The following MIA2 variants were observed in gnomAD, a reference collection of about 807,000 sequenced individuals.
MIA2 encodes the protein MIA SH3 domain ER export factor 2.
In MIA2, 127 loss-of-function variants were observed where a neutral mutation model predicts 167.8. The observed-to-expected ratio is 0.76, with a 90% CI of 0.66 to 0.88. The LOEUF is 0.88. Among genes scored for constraint, MIA2 ranks in the 40% least tolerant of loss-of-function variants. The probability of loss-of-function intolerance (pLI) is 0.00; values close to 1 mark genes in which losing one functional copy is unlikely to be tolerated. For missense variants in MIA2, 1,690 were observed against 1,624.7 expected, an observed-to-expected ratio of 1.04 and a Z score of -0.69; for synonymous variants, 552 against 541.9, an observed-to-expected ratio of 1.02 and a Z score of -0.26.
chr14:39,337,806 C>T (rs2070788987), intron 25 of MIA2, among the ~76,000 whole-genome samples: 1 of 152,012 alleles, frequency 6.6e-6, no homozygotes, highest in Non-Finnish European at 1.5e-5. Flanking sequence ...CAACCTCTGC[C>T]TCCTGGGTTC....
intron 4 of MIA2, among the ~76,000 whole-genome samples, chr14:39,250,398 C>G (rs1452132274): frequency 1.3e-5 from 2 of 151,808 alleles, no homozygotes; most frequent in Non-Finnish European, 2.9e-5. Flanking sequence ...GACACTTTTT[C>G]TCTAAAGAAA....
At chr14:39,371,402 G>A (rs1223557981) in intron 23 of MIA2, among the ~76,000 whole-genome samples, 2 of 152,140 alleles carry the variant, frequency 1.3e-5, no homozygotes, top group Non-Finnish European at 2.9e-5. Flanking sequence ...GGGCCAATTT[G>A]TAGACTTGGT....
At chr14:39,340,901 G>T (rs1339823443) in intron 25 of MIA2, among the ~76,000 whole-genome samples, 1 of 152,190 alleles carries the variant, frequency 6.6e-6, no homozygotes, top group Non-Finnish European at 1.5e-5. Flanking sequence ...AGACTAGGTT[G>T]TGGAGAGATT....
At chr14:39,326,558 T>A (rs149821039) in intron 24 of MIA2, among the ~76,000 whole-genome samples, 180 of 151,460 alleles carry the variant, frequency 1.2e-3, no homozygotes, top group African/African-American at 4.0e-3. Flanking sequence ...TTTGGACTAT[T>A]GATATATTAG....
chr14:39,363,898 C>A (rs1054557033), intron 23 of MIA2, among the ~76,000 whole-genome samples: 1 of 152,110 alleles, frequency 6.6e-6, no homozygotes, highest in African/African-American at 2.4e-5. Context: ...GTAAAGCTTT[C>A]AGTCTATGTG....
intron 25 of MIA2, among the ~76,000 whole-genome samples, chr14:39,344,674 A>G (rs765440831): frequency 6.6e-6 from 1 of 152,186 alleles, no homozygotes; most frequent in Admixed American, 6.5e-5. Flanking sequence ...TATAAAGTCA[A>G]TTAGAGGCAA....
intron 6 of MIA2, among the ~76,000 whole-genome samples, chr14:39,257,214 G>C (rs1482359000): frequency 6.6e-6 from 1 of 152,176 alleles, no homozygotes; most frequent in Non-Finnish European, 1.5e-5. Context: ...TATTGTGTGG[G>C]AGTCTAAGTC....
intron 25 of MIA2, among the ~76,000 whole-genome samples, chr14:39,329,387 A>G (rs1408352947): frequency 6.6e-6 from 1 of 152,134 alleles, no homozygotes; most frequent in African/African-American, 2.4e-5. Flanking sequence ...CTAAATATAC[A>G]ATCATGTCAT....
intron 18 of MIA2, among the ~76,000 whole-genome samples, chr14:39,312,366 A>C (rs1215635360): frequency 6.6e-6 from 1 of 152,236 alleles, no homozygotes; most frequent in Non-Finnish European, 1.5e-5. Context: ...TTTTCTTATA[A>C]CATCCATGAA....
At chr14:39,254,710 G>A (rs1161739806) in intron 6 of MIA2, among the ~76,000 whole-genome samples, 2 of 152,008 alleles carry the variant, frequency 1.3e-5, no homozygotes, top group Non-Finnish European at 1.5e-5. Context: ...TTTTGTGTGT[G>A]AAATCTCACA....
intron 3 of MIA2, among the ~76,000 whole-genome samples, chr14:39,240,855 A>G (rs1341255433): frequency 6.6e-6 from 1 of 152,216 alleles, no homozygotes; most frequent in Admixed American, 6.5e-5. Flanking sequence ...TGCTTTCTGA[A>G]CAATTAACAG....
Position 39,252,759 on chromosome 14 carries a change from A to G in MIA2, c.1579A>G (p.Asn527Asp). The G allele has an allele frequency of 6.2e-7, 1 of 1,609,466 alleles. No homozygotes were observed. Residue 527 changes from asparagine (N) to aspartate (D), a missense_variant, in exon 5 of 29, where the codon AAC becomes GAC. Asn to Asp is a conservative substitution (Grantham distance 23). Coordinates refer to ENST00000640607, the MANE Select transcript of MIA2 (RefSeq NM_001329214.4). ...SSYSLSDMVS[N>D]IELPTRIHEE... The stretch of plus-strand genomic sequence containing the variant: ...TTATTTATTTGTAGATATGGTCTCT[A>G]ACATAGAGTTACCTACGAGAATTCA...
chr14:39,339,221 C>T (rs1176888014), intron 25 of MIA2, among the ~76,000 whole-genome samples: 1 of 152,068 alleles, frequency 6.6e-6, no homozygotes, highest in African/African-American at 2.4e-5. Flanking sequence ...CCCTCCTCAC[C>T]TCCTGCTGTG....
chr14:39,288,728 TG>T (rs1283414482), intron 9 of MIA2, among the ~76,000 whole-genome samples: 2 of 151,772 alleles, frequency 1.3e-5, no homozygotes, highest in Non-Finnish European at 2.9e-5. Flanking sequence ...CCCAAAGTGC[TG>T]GGATTACATG....
intron 23 of MIA2, among the ~76,000 whole-genome samples, chr14:39,360,015 T>C (rs192331862): frequency 1.8e-3 from 270 of 149,916 alleles, no homozygotes; most frequent in Non-Finnish European, 3.1e-3. Context: ...TTTTTTTGTC[T>C]TATTAATAGC....
At position 39,253,178 on chromosome 14, in the gene MIA2, T is replaced by G. The variant is rs770855120; in HGVS notation, c.1887+7T>G. On this transcript the variant is annotated splice_region_variant and intron_variant, in intron 6 of 28. Transcript: ENST00000640607. Reference sequence around the variant, plus strand: ...TGTAATTCTTACAGAAAGGGTAAGTTTGCCTTTTAAACCTTTTGCAATAAT... The same window carrying G: ...TGTAATTCTTACAGAAAGGGTAAGTGTGCCTTTTAAACCTTTTGCAATAAT... The G allele has an allele frequency of 1.6e-5, 26 of 1,609,196 alleles. No homozygotes were observed. Among genetic ancestry groups the G allele is most frequent in the Non-Finnish European group, 2.1e-5 (25 of 1,177,316 alleles).
chr14:39,263,633 CTTTT>C (rs35948974), intron 6 of MIA2, among the ~76,000 whole-genome samples: 1 of 130,918 alleles, frequency 7.6e-6, no homozygotes, highest in Non-Finnish European at 1.6e-5. Context: ...CTCTCTCTCT[CTTTT>C]TTTTTTTTTT....
chr14:39,273,270 A>G lies in MIA2; in HGVS notation c.1888-3664A>G, dbSNP rs549135860. On this transcript the variant is annotated intron_variant, in intron 6 of 28. Transcript: ENST00000640607. ...TTTTTTTTCCTCATCTTTAAGTATG[A>G]TGTTAACTGTAGGTTTTGCATAGAT... Among the ~76,000 whole-genome samples the G allele has an allele frequency of 4.3e-5, 6 of 138,712 alleles. No individual in the cohort carries two copies. In the South Asian group the frequency reaches 1.2e-3, roughly 27 times the overall value. The allele number at this position is 138,712 out of a possible 152,430, so 91.0% of individuals were successfully genotyped here.
intron 18 of MIA2, 102 bp downstream of exon 18, chr14:39,308,689 TGATTA>T: frequency 1.0e-6 from 1 of 957,406 alleles, no homozygotes; most frequent in Non-Finnish European, 1.5e-6. Flanking sequence ...TCTCAATTTA[TGATTA>T]GATTGTATTT....
Sources: allele counts gnomAD v4.1 joint callset (sites outside exome capture counted in the v4.1 genomes callset), GRCh38; gene constraint gnomAD v4.1.1; transcripts MANE v1.5; gene names NCBI Gene and HGNC (gene_info 2026-07-23, HGNC 2026-07-21).